SYT16: variants seen among roughly 807,000 people sequenced by gnomAD.
SYT16 encodes synaptotagmin 16.
SYT16 carries 42 observed loss-of-function variants against 61.4 expected under a neutral mutation model. The observed-to-expected ratio is 0.68, with a 90% CI of 0.53 to 0.89. The LOEUF (loss-of-function observed/expected upper bound fraction) is 0.89, where lower values mean the gene tolerates loss of function less well. SYT16 is among the 40% of genes least tolerant of loss of function. SYT16 has a pLI of 0.00. For synonymous variants in SYT16, 314 were observed against 302.3 expected (o/e 1.04, Z -0.40); for missense variants, 804 against 807.3 (o/e 1.00, Z 0.05).
At chr14:61,916,635 A>G (rs556224928) in intron 1 of SYT16, among the ~76,000 whole-genome samples, 21 of 152,262 alleles carry the variant, frequency 1.4e-4, no homozygotes, top group Non-Finnish European at 2.1e-4. Context: ...TGTGCAATAT[A>G]TTATTGATAA....
chr14:61,865,401 CA>C, intron 1 of SYT16: 2 of 616,244 alleles, frequency 3.2e-6, no homozygotes. Flanking sequence ...ATGTGATTTA[CA>C]AACTGGGAAA....
chr14:61,952,228 A>G (rs974837133), intron 1 of SYT16, among the ~76,000 whole-genome samples: 11 of 152,044 alleles, frequency 7.2e-5, no homozygotes, highest in African/African-American at 2.7e-4. Context: ...AAACCCAGCC[A>G]TCCAGAAATG....
intron 1 of SYT16, among the ~76,000 whole-genome samples, chr14:61,917,955 A>G (rs1219204554): frequency 6.6e-6 from 1 of 152,214 alleles, no homozygotes; most frequent in African/African-American, 2.4e-5. Context: ...GCTTTCGTGC[A>G]TGAAATGAAG....
At chr14:61,837,668 C>T (rs900662501) in intron 1 of SYT16, among the ~76,000 whole-genome samples, 1 of 152,114 alleles carries the variant, frequency 6.6e-6, no homozygotes, top group African/African-American at 2.4e-5. Flanking sequence ...GAAAAGTCCT[C>T]TAGATACAGG....
chr14:61,945,583 C>T (rs1299139181), intron 1 of SYT16, among the ~76,000 whole-genome samples: 4 of 152,010 alleles, frequency 2.6e-5, no homozygotes, highest in East Asian at 1.9e-4. Flanking sequence ...GGGCCAGGCG[C>T]GGTGGCTCAC....
intron 1 of SYT16, among the ~76,000 whole-genome samples, chr14:61,830,046 T>C (rs1346481323): frequency 1.1e-4 from 17 of 152,204 alleles, no homozygotes; most frequent in Admixed American, 1.1e-3. Flanking sequence ...AAAAATTAAG[T>C]TATTGTATTT....
chr14:61,962,178 A>G (rs748759118), intron 1 of SYT16, among the ~76,000 whole-genome samples: 6 of 152,130 alleles, frequency 3.9e-5, no homozygotes, highest in Non-Finnish European at 7.4e-5. Flanking sequence ...TATGCCTATT[A>G]CCTGGGTGAT....
intron 1 of SYT16, among the ~76,000 whole-genome samples, chr14:61,958,918 T>A (rs937538364): frequency 7.9e-5 from 12 of 152,114 alleles, no homozygotes; most frequent in African/African-American, 2.9e-4. Flanking sequence ...TGTTTTATAT[T>A]TCGGGTGTTT....
At chr14:61,901,598 C>T (rs975291153) in intron 1 of SYT16, among the ~76,000 whole-genome samples, 1 of 152,022 alleles carries the variant, frequency 6.6e-6, no homozygotes, top group African/African-American at 2.4e-5. Flanking sequence ...CTGGGTTCCC[C>T]CTGTATCCCC....
intron 3 of SYT16, among the ~76,000 whole-genome samples, chr14:62,026,958 G>GT (rs1211033269): frequency 1.3e-5 from 2 of 151,818 alleles, no homozygotes; most frequent in Admixed American, 6.6e-5. Context: ...GACTTAAAAT[G>GT]TTTTTTTAAT....
intron 5 of SYT16, among the ~76,000 whole-genome samples, chr14:62,080,082 A>G (rs965758087): frequency 4.6e-5 from 7 of 152,184 alleles, no homozygotes; most frequent in African/African-American, 1.4e-4. Flanking sequence ...AAAGCTAGTC[A>G]GTGGTAGAGT....
At chr14:62,068,028 A>C (rs2056133984) in intron 3 of SYT16, among the ~76,000 whole-genome samples, 1 of 152,092 alleles carries the variant, frequency 6.6e-6, no homozygotes, top group Admixed American at 6.6e-5. Flanking sequence ...TATATGATCC[A>C]CAAGTCCATC....
At chr14:62,083,383 C>T (rs1272365821) in intron 6 of SYT16, among the ~76,000 whole-genome samples, 2 of 152,162 alleles carry the variant, frequency 1.3e-5, no homozygotes, top group Non-Finnish European at 2.9e-5. Context: ...CCCACAGGGT[C>T]GATTCCTACT....
rs142408466 is a variant in SYT16 at position 62,011,926 on chromosome 14, C to CATATATATATATATATATATATATAT, written c.523+15400_523+15401insATATATATATATATATATATATATAT. Among the ~76,000 whole-genome samples the CATATATATATATATATATATATATAT allele has an allele frequency of 2.5e-3, 334 of 132,658 alleles. 4 individuals carry two copies. The highest frequency in any genetic ancestry group is 3.7e-3 in the South Asian group (16 of 4,346). 87.0% of individuals were successfully genotyped at this position (132,658 alleles called of 152,430 possible). A position where few individuals can be genotyped will look rare whatever the true frequency, so the allele number is the denominator to read the frequency against. ...ACACATATATATACACACACACACA[C>CATATATATATATATATATATATATAT]ATATATATATATATATTTGATGCTG... On this transcript the variant is annotated intron_variant, in intron 3 of 7. Coordinates refer to ENST00000683842, the MANE Select transcript of SYT16 (RefSeq NM_001367656.1).
At position 61,986,088 on chromosome 14, in the gene SYT16, G is replaced by A. The variant is rs527306872; in HGVS notation, c.-144-9788G>A. The stretch of plus-strand genomic sequence containing the variant: ...TTTTTGAGTTCATAAATAGTACAGC[G>A]GTGGAACTGGCTCATGGTGCCTGAT... On this transcript the variant is annotated intron_variant, in intron 2 of 7. Transcript: ENST00000683842. Among the ~76,000 whole-genome samples the A allele has an allele frequency of 1.3e-4, 20 of 152,058 alleles. No individual in the cohort carries two copies. In the East Asian group the frequency reaches 3.7e-3, roughly 28 times the overall value.
chr14:61,983,471 G>C (rs931668276), intron 2 of SYT16, among the ~76,000 whole-genome samples: 3 of 152,074 alleles, frequency 2.0e-5, no homozygotes, highest in African/African-American at 4.8e-5. Context: ...TTTCTACTCT[G>C]GATCTCCTAA....
chr14:61,997,941 T>C (rs2052835237), intron 3 of SYT16, among the ~76,000 whole-genome samples: 1 of 152,042 alleles, frequency 6.6e-6, no homozygotes, highest in South Asian at 2.1e-4. Context: ...TCAGGGACCA[T>C]GCCATAGATT....
At chr14:61,867,719 G>T (rs2047203358) in intron 1 of SYT16, among the ~76,000 whole-genome samples, 1 of 152,052 alleles carries the variant, frequency 6.6e-6, no homozygotes, top group Non-Finnish European at 1.5e-5. Flanking sequence ...AGTTTGTACT[G>T]TTGAATAGGA....
In SYT16 at chr14:61,968,633, C is replaced by T. The variant is rs61993176; in HGVS notation, c.-324-1499C>T. Among the ~76,000 whole-genome samples, 67 of 152,316 alleles carry T rather than the reference C, an allele frequency of 4.4e-4. 1 individual carries two copies. The highest frequency in any genetic ancestry group is 8.2e-4 in the Non-Finnish European group (56 of 68,028). ...GGACTCTGTTTGTCAAGTGCCACAT[C>T]AATTACTTTCCATGTGTTACCTCTG... is the stretch of plus-strand genomic sequence containing the variant. On this transcript the variant is annotated intron_variant, in intron 1 of 7. Transcript: ENST00000683842.
Sources: gnomAD v4.1 joint callset for allele counts (sites outside exome capture counted in the v4.1 genomes callset) on GRCh38, gnomAD v4.1.1 for gene constraint, MANE v1.5 for transcripts, NCBI Gene and HGNC (gene_info 2026-07-23, HGNC 2026-07-21) for gene names.